Variants in SLC38A1 observed in about 807,000 individuals in gnomAD.
SLC38A1 encodes solute carrier family 38 member 1, also known as sodium-coupled neutral amino acid symporter 1.
Under a neutral mutation model 60.3 loss-of-function variants are expected in SLC38A1, and 18 were observed. The observed-to-expected ratio is 0.30, with a 90% confidence interval of 0.21 to 0.44. The LOEUF (loss-of-function observed/expected upper bound fraction) is 0.44, where lower values mean the gene tolerates loss of function less well. Among genes scored for constraint, SLC38A1 ranks in the 20% least tolerant of loss-of-function variants. The pLI is 1.00. For synonymous variants in SLC38A1, 196 were observed against 212.1 expected (o/e 0.92, Z 0.66); for missense variants, 448 against 587.2 (o/e 0.76, Z 2.45).
chr12:46,207,247 A>G lies in SLC38A1; in HGVS notation c.482-11T>C. The G allele has an allele frequency of 6.2e-7, 1 of 1,603,814 alleles. No homozygotes were observed. Among genetic ancestry groups the G allele is most frequent in the Non-Finnish European group, 8.5e-7 (1 of 1,173,204 alleles). The stretch of plus-strand genomic sequence containing the variant: ...GGTAGCTCAGCATTGCTGAAGGAAA[A>G]TGAGAACATTTTTAGAAAGAAGATA... On this transcript the variant is annotated splice_polypyrimidine_tract_variant and intron_variant, in intron 7 of 16. Coordinates refer to ENST00000398637, the MANE Select transcript of SLC38A1 (RefSeq NM_030674.4).
intron 3 of SLC38A1, among the ~76,000 whole-genome samples, chr12:46,235,949 CA>C (rs1565782089): frequency 1.3e-5 from 2 of 152,140 alleles, no homozygotes; most frequent in African/African-American, 2.4e-5. Flanking sequence ...TTTAAGGTGG[CA>C]ATAACCAGCA....
intron 1 of SLC38A1, among the ~76,000 whole-genome samples, chr12:46,253,090 G>A (rs530988324): frequency 3.3e-5 from 5 of 151,914 alleles, no homozygotes; most frequent in East Asian, 1.9e-4. Flanking sequence ...GTAGGTCAAA[G>A]GATATGAAGT....
At chr12:46,259,814 T>C (rs1326375477) in intron 1 of SLC38A1, among the ~76,000 whole-genome samples, 1 of 152,142 alleles carries the variant, frequency 6.6e-6, no homozygotes, top group African/African-American at 2.4e-5. Flanking sequence ...ACATCCATCA[T>C]CCTCAGAGCT....
chr12:46,222,881 C>T (rs570558997), intron 5 of SLC38A1, among the ~76,000 whole-genome samples: 16 of 152,208 alleles, frequency 1.1e-4, no homozygotes, highest in Admixed American at 5.9e-4. Context: ...CTGACATCCT[C>T]GGTCTACAGT....
intron 16 of SLC38A1, among the ~76,000 whole-genome samples, chr12:46,191,508 A>G (rs7308375): frequency 0.33 from 50,261 of 152,026 alleles, 8,524 homozygotes; most frequent in Admixed American, 0.39. Context: ...CATTGAATCT[A>G]TAAATTACCT....
chr12:46,198,914 T>C (rs1300768340), intron 13 of SLC38A1, among the ~76,000 whole-genome samples, 171 bp from the exon 14 acceptor site: 1 of 152,186 alleles, frequency 6.6e-6, no homozygotes, highest in East Asian at 1.9e-4. Flanking sequence ...TAAGACATGC[T>C]CCACTGTGCA....
chr12:46,207,662 G>T, intron 6 of SLC38A1, 41 bp from the exon 7 acceptor site: 1 of 1,554,570 alleles, frequency 6.4e-7, no homozygotes, highest in Non-Finnish European at 8.9e-7. Flanking sequence ...AAATGACAGG[G>T]TTCAGAAAGT....
intron 1 of SLC38A1, among the ~76,000 whole-genome samples, chr12:46,252,884 C>T (rs184493222): frequency 5.5e-4 from 83 of 151,692 alleles, no homozygotes; most frequent in African/African-American, 1.8e-3. Flanking sequence ...GAAGGGGATC[C>T]TCTCATTTGC....
chr12:46,236,394 C>G (rs1289088905), intron 3 of SLC38A1, among the ~76,000 whole-genome samples: 1 of 152,052 alleles, frequency 6.6e-6, no homozygotes, highest in Non-Finnish European at 1.5e-5. Context: ...AAGTGCAGAG[C>G]CTATGTTCTT....
intron 2 of SLC38A1, among the ~76,000 whole-genome samples, chr12:46,242,972 A>G (rs1183748689): frequency 1.3e-5 from 2 of 151,304 alleles, no homozygotes; most frequent in Non-Finnish European, 2.9e-5. Context: ...TAAGTTTAGC[A>G]TTGGTGATTT....
At chr12:46,236,918 A>C (rs187921896) in intron 3 of SLC38A1, among the ~76,000 whole-genome samples, 246 of 152,336 alleles carry the variant, frequency 1.6e-3, no homozygotes, top group African/African-American at 5.6e-3. Flanking sequence ...CACTGGTCTA[A>C]TGGATATTTT....
rs556758514 is a variant in SLC38A1, at chr12:46,264,246, C to T, written c.-209+4280G>A. On this transcript the variant is annotated intron_variant, in intron 1 of 16. Coordinates refer to ENST00000398637, the MANE Select transcript of SLC38A1 (RefSeq NM_030674.4). ...TTGTTCAAGGACTTTCTCAGCTCTG[C>T]TCTCATTGTATCTTCACAACTCTGA... Among the ~76,000 whole-genome samples the T allele has an allele frequency of 3.9e-4, 60 of 152,336 alleles. 1 individual carries two copies. In the Middle Eastern group the frequency reaches 0.024, roughly 60 times the overall value.
chr12:46,190,183 C>G (rs1237297910), intron 16 of SLC38A1, among the ~76,000 whole-genome samples: 1 of 152,064 alleles, frequency 6.6e-6, no homozygotes, highest in East Asian at 1.9e-4. Context: ...TGAAAACATG[C>G]AGTGTTTGGT....
At chr12:46,249,923 G>A (rs1382408713) in intron 1 of SLC38A1, among the ~76,000 whole-genome samples, 1 of 152,186 alleles carries the variant, frequency 6.6e-6, no homozygotes. Context: ...AGAGGAGCTG[G>A]TACCATTCCT....
At chr12:46,190,005 G>T (rs1414745768) in intron 16 of SLC38A1, among the ~76,000 whole-genome samples, 1 of 151,886 alleles carries the variant, frequency 6.6e-6, no homozygotes, top group Admixed American at 6.6e-5. Flanking sequence ...TGTTACATAG[G>T]TATACATGTG....
intron 1 of SLC38A1, among the ~76,000 whole-genome samples, chr12:46,252,194 T>A (rs1941868208): frequency 6.6e-6 from 1 of 152,158 alleles, no homozygotes; most frequent in Admixed American, 6.5e-5. Context: ...TGAAGGGACA[T>A]GAATGAAGCT....
In SLC38A1 at chr12:46,247,783, G is replaced by C. The variant is rs991442157; in HGVS notation, c.-208-4469C>G. Among the ~76,000 whole-genome samples, 4 of 152,310 alleles carry C rather than the reference G, an allele frequency of 2.6e-5. No individual in the cohort carries two copies. The South Asian group carries it at 8.3e-4, about 32-fold the overall frequency. On this transcript the variant is annotated intron_variant, in intron 1 of 16. Transcript: ENST00000398637. The stretch of plus-strand genomic sequence containing the variant: ...GGCAAAAATGTTAAGGGCAGCCAGA[G>C]AGAAAGGTCGGGTTACCCACAAAGG...
At chr12:46,259,264 T>G (rs1039896410) in intron 1 of SLC38A1, among the ~76,000 whole-genome samples, 1 of 152,160 alleles carries the variant, frequency 6.6e-6, no homozygotes, top group East Asian at 1.9e-4. Flanking sequence ...TTTACCCACT[T>G]GGGGTTCTTG....
chr12:46,194,210 T>C (rs567296683), intron 16 of SLC38A1, among the ~76,000 whole-genome samples: 2 of 152,342 alleles, frequency 1.3e-5, no homozygotes, highest in East Asian at 1.9e-4. Flanking sequence ...TTTGGCTGGA[T>C]AGGAGATTCC....
Sources: gnomAD v4.1 joint callset for allele counts (sites outside exome capture counted in the v4.1 genomes callset) on GRCh38, gnomAD v4.1.1 for gene constraint, MANE v1.5 for transcripts, NCBI Gene and HGNC (gene_info 2026-07-23, HGNC 2026-07-21) for gene names.